The following DNAH14 variants were observed in gnomAD, a reference collection of about 807,000 sequenced individuals.
The protein encoded by DNAH14 is dynein axonemal heavy chain 14.
Under a neutral mutation model 520.9 loss-of-function variants are expected in DNAH14, and 478 were observed. That is an observed-to-expected ratio of 0.92 (90% CI 0.85 to 0.99). The LOEUF is 0.99. Ranked by LOEUF, DNAH14 falls within the 50% of genes least tolerant of loss-of-function variation. The probability of loss-of-function intolerance (pLI) is 0.00; values close to 1 mark genes in which losing one functional copy is unlikely to be tolerated. For synonymous variants in DNAH14, 1,581 were observed against 1,757.2 expected (o/e 0.90, Z 2.51); for missense variants, 4,831 against 5,234.5 (o/e 0.92, Z 2.38).
In DNAH14 at chr1:225,399,176, CTT is replaced by C. The variant is rs1381709528; in HGVS notation, c.13765_13766del (p.Leu4589AsnfsTer12). 1.3e-6 allele frequency: 2 copies of C among 1,551,654 alleles called. No homozygotes were observed. Among genetic ancestry groups the C allele is most frequent in the Admixed American group, 3.9e-5 (2 of 50,994 alleles). On this transcript the variant is annotated frameshift_variant, in exon 86 of 86. Coordinates refer to ENST00000682510, the MANE Select transcript of DNAH14 (RefSeq NM_001367479.1). LOFTEE classifies it high-confidence loss of function. ...TGGCAACTACCGGTTTACCAACAAA[CTT>C]TTTAACATCAGTGTATTTATCAACG... ...ILATTGLPTN[F>X]LTSVYLSTKK...
At chr1:225,201,770 A>G (rs1467281725) in intron 38 of DNAH14, among the ~76,000 whole-genome samples, 1 of 152,042 alleles carries the variant, frequency 6.6e-6, no homozygotes, top group African/African-American at 2.4e-5. Context: ...TGGAAGTGGC[A>G]AGGGGATAAA....
chr1:224,996,074 T>C (rs1223478262), intron 8 of DNAH14, among the ~76,000 whole-genome samples: 1 of 152,148 alleles, frequency 6.6e-6, no homozygotes, highest in Non-Finnish European at 1.5e-5. Context: ...GTTAGTTTCT[T>C]TGGGAGGTGT....
chr1:225,088,163 A>G (rs375607956), intron 21 of DNAH14, among the ~76,000 whole-genome samples: 1 of 152,340 alleles, frequency 6.6e-6, no homozygotes, highest in South Asian at 2.1e-4. Context: ...GCCATCAAAG[A>G]TTAGTAGACA....
intron 44 of DNAH14, among the ~76,000 whole-genome samples, chr1:225,252,628 A>G (rs2092598158): frequency 6.6e-6 from 1 of 152,168 alleles, no homozygotes; most frequent in African/African-American, 2.4e-5. Flanking sequence ...AGAAATTTAG[A>G]GTATATTTTA....
intron 46 of DNAH14, among the ~76,000 whole-genome samples, chr1:225,263,613 C>T (rs2093014728): frequency 6.6e-6 from 1 of 151,954 alleles, no homozygotes; most frequent in Non-Finnish European, 1.5e-5. Context: ...ATGTCTTACA[C>T]TAATGATTTT....
intron 9 of DNAH14, among the ~76,000 whole-genome samples, chr1:225,003,306 C>A (rs1300161345): frequency 1.3e-5 from 2 of 151,952 alleles, no homozygotes; most frequent in African/African-American, 2.4e-5. Context: ...ATGAATTCTC[C>A]TATTTCAAGA....
At position 224,967,469 on chromosome 1, in the gene DNAH14, T is replaced by A; in HGVS notation, c.537T>A (p.Leu179=). ...LEDDGEFVYC[L]PRKSPKSLYN... ...ATGATGGAGAATTTGTTTATTGCCTTCCTCGGAAAAGTCCTAAATCCCTTT... is the reference window on the plus strand; with the variant it reads ...ATGATGGAGAATTTGTTTATTGCCTACCTCGGAAAAGTCCTAAATCCCTTT... The change falls in exon 6 of 86, where the codon CTT becomes CTA. Residue 179 remains leucine, a synonymous_variant. Transcript: ENST00000682510. 6.3e-7 allele frequency: 1 copy of A among 1,577,388 alleles called. No individual in the cohort carries two copies. The highest frequency in any genetic ancestry group is 8.6e-7 in the Non-Finnish European group (1 of 1,165,774).
chr1:225,153,663 C>A, intron 33 of DNAH14, 87 bp from the exon 34 acceptor site: 1 of 887,100 alleles, frequency 1.1e-6, no homozygotes, highest in Non-Finnish European at 1.7e-6. Flanking sequence ...CATAGATTAC[C>A]TGTAATTTAC....
At chr1:224,931,193 A>G (rs928151322) in intron 1 of DNAH14, among the ~76,000 whole-genome samples, 4 of 152,244 alleles carry the variant, frequency 2.6e-5, no homozygotes, top group Non-Finnish European at 5.9e-5. Context: ...TTAAAATAGA[A>G]AAATGCCTAT....
At chr1:225,115,019 G>A (rs1366437395) in intron 23 of DNAH14, among the ~76,000 whole-genome samples, 1 of 152,236 alleles carries the variant, frequency 6.6e-6, no homozygotes, top group Non-Finnish European at 1.5e-5. Flanking sequence ...AGCACAATCA[G>A]TGGAGGAGTC....
chr1:225,334,704 A>G (rs1025886200), intron 66 of DNAH14, among the ~76,000 whole-genome samples: 9 of 152,030 alleles, frequency 5.9e-5, no homozygotes, highest in African/African-American at 1.7e-4. Flanking sequence ...ACAGATCACA[A>G]TCATTGCAAT....
In DNAH14 at chr1:225,340,708, CAAGA is replaced by C. The variant is rs922687708; in HGVS notation, c.10678+8_10678+11del. On this transcript the variant is annotated splice_region_variant and intron_variant, in intron 69 of 85. Coordinates refer to ENST00000682510, the MANE Select transcript of DNAH14 (RefSeq NM_001367479.1). ...TTACTGCAGAAAGCACTAGGTAAGT[CAAGA>C]TATTTAGTGATAGTAAGAGATCTTT... 2 of 1,549,458 alleles carry C rather than the reference CAAGA, an allele frequency of 1.3e-6. No homozygotes were observed. The highest frequency in any genetic ancestry group is 2.7e-5 in the African/African-American group (2 of 72,886).
At chr1:225,087,919 C>T (rs1440734386) in intron 21 of DNAH14, among the ~76,000 whole-genome samples, 1 of 152,172 alleles carries the variant, frequency 6.6e-6, no homozygotes, top group Non-Finnish European at 1.5e-5. Context: ...TGCCTATATG[C>T]ATGGTCAGAA....
intron 80 of DNAH14, 117 bp from the exon 81 acceptor site, chr1:225,381,266 A>G: frequency 9.8e-7 from 1 of 1,022,510 alleles, no homozygotes. Context: ...GAAAATGTTT[A>G]TCAACCCCTG....
intron 36 of DNAH14, among the ~76,000 whole-genome samples, chr1:225,183,707 CA>C: frequency 6.7e-6 from 1 of 148,590 alleles, no homozygotes; most frequent in Admixed American, 6.7e-5. Flanking sequence ...AAGGAAGATC[CA>C]AGTAAGTACA....
intron 61 of DNAH14, among the ~76,000 whole-genome samples, chr1:225,319,656 G>A (rs976362582): frequency 3.3e-5 from 5 of 152,086 alleles, no homozygotes; most frequent in Admixed American, 6.6e-5. Flanking sequence ...TCTTTCATTC[G>A]TATGCCCTCA....
chr1:225,091,109 ATGATTCATTGGTT>A lies in DNAH14; in HGVS notation c.3573+5322_3573+5334del, dbSNP rs370388024. On this transcript the variant is annotated intron_variant, in intron 21 of 85. Transcript: ENST00000682510. ...CCAAAGTGGATATATGAATGGATCT[ATGATTCATTGGTT>A]TTCCTGAAAGAGAGGGAGAGAAAGA... Among the ~76,000 whole-genome samples, 638 of 152,300 alleles carry A rather than the reference ATGATTCATTGGTT, an allele frequency of 4.2e-3. 4 individuals carry two copies. Among genetic ancestry groups the A allele is most frequent in the African/African-American group, 0.015 (607 of 41,580 alleles).
intron 64 of DNAH14, among the ~76,000 whole-genome samples, chr1:225,328,836 A>G (rs1194524474): frequency 6.6e-6 from 1 of 152,182 alleles, no homozygotes; most frequent in African/African-American, 2.4e-5. Flanking sequence ...AAAATGGGTG[A>G]ATGAGCAAGC....
In DNAH14 at chr1:225,290,102, G is replaced by A. The variant is rs1183541001; in HGVS notation, c.8469+20G>A. 7.4e-7 allele frequency: 1 copy of A among 1,352,094 alleles called. No homozygotes were observed. Among genetic ancestry groups the A allele is most frequent in the Admixed American group, 3.3e-5 (1 of 30,606 alleles). 83.8% of individuals were successfully genotyped at this position (1,352,094 alleles called of 1,614,324 possible). ...GAACAAGTAAGTACTTTTTGTCTTT[G>A]CTATTTGCTGAAGTTTGATATCTAT... On this transcript the variant is annotated intron_variant, in intron 55 of 85. Coordinates refer to ENST00000682510, the MANE Select transcript of DNAH14 (RefSeq NM_001367479.1).
Sources: allele counts gnomAD v4.1 joint callset (sites outside exome capture counted in the v4.1 genomes callset), GRCh38; gene constraint gnomAD v4.1.1; transcripts MANE v1.5; gene names NCBI Gene and HGNC (gene_info 2026-07-23, HGNC 2026-07-21).